Variants in RALY observed in about 807,000 individuals in gnomAD.
The protein encoded by RALY is RNA-binding protein Raly.
RALY carries 15 observed loss-of-function variants against 30.7 expected under a neutral mutation model. The observed-to-expected ratio is 0.49, with a 90% CI of 0.33 to 0.75. The LOEUF (loss-of-function observed/expected upper bound fraction) is 0.75. Ranked by LOEUF, RALY falls within the 30% of genes least tolerant of loss-of-function variation. RALY has a pLI of 0.02. For synonymous variants in RALY, 177 were observed against 170.8 expected, an observed-to-expected ratio of 1.04 and a Z score of -0.28; for missense variants, 339 against 414.3, an observed-to-expected ratio of 0.82 and a Z score of 1.58.
At chr20:34,020,953 T>C (rs922271976) in intron 1 of RALY, among the ~76,000 whole-genome samples, 1 of 152,026 alleles carries the variant, frequency 6.6e-6, no homozygotes, top group African/African-American at 2.4e-5. Flanking sequence ...CTTTTTCTTT[T>C]TTTTTTTTAA....
At chr20:34,054,157 G>T (rs1488205945) in intron 2 of RALY, among the ~76,000 whole-genome samples, 2 of 152,174 alleles carry the variant, frequency 1.3e-5, no homozygotes, top group African/African-American at 4.8e-5. Flanking sequence ...CACTGTTAAG[G>T]AGTTGTTGTA....
chr20:34,077,136 C>CA lies in RALY; in HGVS notation c.768dup (p.Ala257SerfsTer9). 1 of 1,611,444 alleles carries CA rather than the reference C, an allele frequency of 6.2e-7. No individual in the cohort carries two copies. The highest frequency in any genetic ancestry group is 8.5e-7 in the Non-Finnish European group (1 of 1,178,924). ...GGTGGCGGTGGCAGCAGCCGGCCACCAGCCCCCCAAGAGAACACAACTTCT... is the reference window on the plus strand; with the variant it reads ...GGTGGCGGTGGCAGCAGCCGGCCACCAAGCCCCCCAAGAGAACACAACTTCT... On this transcript the variant is annotated frameshift_variant, in exon 8 of 10. Transcript: ENST00000246194. LOFTEE classifies it high-confidence loss of function.
At chr20:34,050,530 G>A (rs1159570091) in intron 2 of RALY, among the ~76,000 whole-genome samples, 1 of 152,246 alleles carries the variant, frequency 6.6e-6, no homozygotes, top group Non-Finnish European at 1.5e-5. Flanking sequence ...ATGAGGATGT[G>A]ATATCAGGCA....
chr20:34,017,932 A>G (rs2031669892), intron 1 of RALY, among the ~76,000 whole-genome samples: 1 of 152,180 alleles, frequency 6.6e-6, no homozygotes, highest in African/African-American at 2.4e-5. Flanking sequence ...GTTCCTTGAT[A>G]GAAGAGTTTA....
chr20:34,038,793 G>A (rs2032593802), intron 2 of RALY, among the ~76,000 whole-genome samples: 2 of 152,172 alleles, frequency 1.3e-5, no homozygotes. Context: ...TACAAAATGG[G>A]AATAATAATG....
chr20:34,022,802 G>A (rs956918536), intron 1 of RALY, among the ~76,000 whole-genome samples: 4 of 152,188 alleles, frequency 2.6e-5, no homozygotes, highest in Non-Finnish European at 1.5e-5. Context: ...GTAGGCTCCA[G>A]TGCAGATTAT....
intron 1 of RALY, among the ~76,000 whole-genome samples, chr20:34,000,539 A>G (rs2030866117): frequency 6.6e-6 from 1 of 152,176 alleles, no homozygotes; most frequent in African/African-American, 2.4e-5. Context: ...CTGTCATTTC[A>G]TAATGGCTTT....
intron 2 of RALY, among the ~76,000 whole-genome samples, chr20:34,058,967 G>A (rs2033338492): frequency 6.6e-6 from 1 of 152,128 alleles, no homozygotes; most frequent in African/African-American, 2.4e-5. Flanking sequence ...AGTAATGTTT[G>A]TGGAGTTAAT....
intron 1 of RALY, among the ~76,000 whole-genome samples, chr20:33,999,123 CAAAAAAA>C (rs1039542148): frequency 5.5e-5 from 3 of 54,150 alleles, no homozygotes; most frequent in Non-Finnish European, 8.0e-5. Flanking sequence ...GACTCCATCT[CAAAAAAA>C]AAAAAAAAAA....
chr20:34,035,214 G>A (rs944305577), intron 2 of RALY, among the ~76,000 whole-genome samples: 2 of 141,390 alleles, frequency 1.4e-5, no homozygotes, highest in Non-Finnish European at 3.0e-5. Context: ...TAATTTAGGA[G>A]CAGCACCTCC....
chr20:34,014,711 A>G (rs1191454333), intron 1 of RALY, among the ~76,000 whole-genome samples: 8 of 152,220 alleles, frequency 5.3e-5, no homozygotes, highest in Non-Finnish European at 1.2e-4. Flanking sequence ...AGAATTGCCA[A>G]TACTTTGACC....
Position 34,077,089 on chromosome 20 carries a change from T to G in RALY, c.720T>G (p.Gly240=), listed in dbSNP as rs764081422. ...GCGGCGGCGGTGGTGGTGGCAGCGG[T>G]GGCGGTGGCAGTGGTGGTGGCGGTG... ...AGGGGGGGGS[G]GGGSGGGGGG... The change falls in exon 8 of 10, where the codon GGT becomes GGG. Residue 240 remains glycine, a synonymous_variant. Coordinates refer to ENST00000246194, the MANE Select transcript of RALY (RefSeq NM_016732.3). 1.0e-5 allele frequency: 16 copies of G among 1,603,976 alleles called. No homozygotes were observed. In the South Asian group the frequency reaches 1.8e-4, roughly 18 times the overall value.
At chr20:34,068,345 T>C (rs2033636124) in intron 2 of RALY, among the ~76,000 whole-genome samples, 1 of 152,134 alleles carries the variant, frequency 6.6e-6, no homozygotes, top group Non-Finnish European at 1.5e-5. Context: ...TTGAAAAGCA[T>C]AGGAAGAATT....
chr20:34,027,648 C>CATCT (rs1278490228), intron 1 of RALY, among the ~76,000 whole-genome samples: 1 of 152,234 alleles, frequency 6.6e-6, no homozygotes, highest in Non-Finnish European at 1.5e-5. Flanking sequence ...TGTTCTCAAT[C>CATCT]ATCTGTGCAT....
At chr20:34,051,228 C>A (rs954336684) in intron 2 of RALY, among the ~76,000 whole-genome samples, 1 of 152,136 alleles carries the variant, frequency 6.6e-6, no homozygotes, top group Admixed American at 6.5e-5. Context: ...TCCCACTTGA[C>A]AGTTGAGGAA....
intron 2 of RALY, among the ~76,000 whole-genome samples, chr20:34,068,822 CAT>C (rs1328556382): frequency 6.6e-6 from 1 of 152,196 alleles, no homozygotes; most frequent in Non-Finnish European, 1.5e-5. Flanking sequence ...GCCTCATCAA[CAT>C]GTGTGTGGTC....
chr20:34,056,865 A>G (rs764311572), intron 2 of RALY, among the ~76,000 whole-genome samples: 10 of 152,374 alleles, frequency 6.6e-5, no homozygotes, highest in South Asian at 2.1e-4. Flanking sequence ...CAGTTAAGCA[A>G]TGTGTTGCCA....
intron 1 of RALY, among the ~76,000 whole-genome samples, chr20:34,026,370 G>A (rs1217448832): frequency 6.9e-5 from 10 of 144,406 alleles, no homozygotes; most frequent in Non-Finnish European, 1.4e-4. Context: ...CTAGACCTCA[G>A]ACATTTTATT....
chr20:34,028,479 C>T (rs373236210), intron 1 of RALY, among the ~76,000 whole-genome samples: 2 of 151,326 alleles, frequency 1.3e-5, no homozygotes, highest in Non-Finnish European at 2.9e-5. Flanking sequence ...CCGAGGCGGG[C>T]GGATCATGAG....
Sources: gnomAD v4.1 joint callset for allele counts (sites outside exome capture counted in the v4.1 genomes callset) on GRCh38, gnomAD v4.1.1 for gene constraint, MANE v1.5 for transcripts, NCBI Gene and HGNC (gene_info 2026-07-23, HGNC 2026-07-21) for gene names.